The following ZFHX3 variants were observed in gnomAD, a reference collection of about 807,000 sequenced individuals.
The protein encoded by ZFHX3 is zinc finger homeobox 3.
In ZFHX3, 42 loss-of-function variants were observed where a neutral mutation model predicts 279.1. The ratio of observed to expected loss-of-function variants is 0.15; its 90% CI spans 0.12 to 0.19. The LOEUF (loss-of-function observed/expected upper bound fraction) is 0.19, where lower values mean the gene tolerates loss of function less well. Ranked by LOEUF, ZFHX3 falls within the 10% of genes least tolerant of loss-of-function variation. ZFHX3 has a pLI of 1.00. For synonymous variants in ZFHX3, 2,293 were observed against 1,957.8 expected (o/e 1.17, Z -4.52); for missense variants, 4,981 against 4,754.0 (o/e 1.05, Z -1.40).
chr16:73,030,707 A>G (rs4788691), intron 1 of ZFHX3, among the ~76,000 whole-genome samples: 27,089 of 152,158 alleles, frequency 0.18, 2,609 homozygotes, highest in Admixed American at 0.31. Context: ...AGGGTCCCCA[A>G]TGACCAACTT....
intron 2 of ZFHX3, among the ~76,000 whole-genome samples, chr16:73,620,800 A>G (rs113280973): frequency 0.019 from 2,935 of 152,368 alleles, 38 homozygotes; most frequent in Non-Finnish European, 0.027. Context: ...AAAATCAAGA[A>G]TAAACATTTC....
intron 3 of ZFHX3, among the ~76,000 whole-genome samples, chr16:73,451,820 G>A (rs1351293100): frequency 6.6e-6 from 1 of 152,146 alleles, no homozygotes; most frequent in Non-Finnish European, 1.5e-5. Context: ...ATACACGTGT[G>A]CATATTTTGA....
chr16:73,056,172 T>C (rs539167985), intron 1 of ZFHX3, among the ~76,000 whole-genome samples: 1 of 152,318 alleles, frequency 6.6e-6, no homozygotes, highest in African/African-American at 2.4e-5. Flanking sequence ...GTACACTTTT[T>C]ACGAAATCCT....
chr16:73,360,922 C>T (rs1429677899), intron 3 of ZFHX3, among the ~76,000 whole-genome samples: 3 of 151,956 alleles, frequency 2.0e-5, no homozygotes, highest in Non-Finnish European at 4.4e-5. Context: ...AATGGGGGGT[C>T]ATGAGCCACC....
chr16:73,802,189 C>CAT (rs1348624521), intron 1 of ZFHX3, among the ~76,000 whole-genome samples: 1 of 151,898 alleles, frequency 6.6e-6, no homozygotes, highest in Non-Finnish European at 1.5e-5. Flanking sequence ...GTTGATTCTT[C>CAT]ATAAAACCCC....
intron 4 of ZFHX3, among the ~76,000 whole-genome samples, chr16:72,830,711 T>C (rs1209411792): frequency 6.6e-6 from 1 of 152,224 alleles, no homozygotes; most frequent in African/African-American, 2.4e-5. Context: ...TAAGATACTC[T>C]AGATGCTGAG....
chr16:73,624,617 C>T (rs767356095), intron 2 of ZFHX3, among the ~76,000 whole-genome samples: 1 of 147,840 alleles, frequency 6.8e-6, no homozygotes, highest in African/African-American at 2.5e-5. Context: ...ATGAATTCAG[C>T]AGATAATAAA....
intron 2 of ZFHX3, chr16:73,543,898 G>GAGAGAGAGAGAGAC (rs1475814396): frequency 2.6e-5 from 4 of 151,322 alleles, no homozygotes; most frequent in Non-Finnish European, 5.9e-5. Flanking sequence ...GAGAGAGAGA[G>GAGAGAGAGAGAGAC]AGAGAGAGAG....
chr16:73,611,977 G>C (rs1412453341), intron 2 of ZFHX3, among the ~76,000 whole-genome samples: 1 of 152,170 alleles, frequency 6.6e-6, no homozygotes, highest in Non-Finnish European at 1.5e-5. Flanking sequence ...ATTACACACT[G>C]TAAAATAATT....
chr16:73,887,101 T>A (rs899614238), intron 1 of ZFHX3, among the ~76,000 whole-genome samples: 3 of 152,136 alleles, frequency 2.0e-5, no homozygotes, highest in African/African-American at 4.8e-5. Context: ...TTTCAAAAAA[T>A]TGGGATTGGG....
intron 4 of ZFHX3, among the ~76,000 whole-genome samples, chr16:72,848,982 A>AG (rs1391308559): frequency 6.6e-6 from 1 of 152,092 alleles, no homozygotes; most frequent in East Asian, 1.9e-4. Context: ...TCAAAAAACC[A>AG]GGGGGGAAGG....
At chr16:73,876,662 T>C (rs1166793312) in intron 1 of ZFHX3, among the ~76,000 whole-genome samples, 1 of 152,246 alleles carries the variant, frequency 6.6e-6, no homozygotes, top group African/African-American at 2.4e-5. Context: ...CAGTTGGATA[T>C]GTGGGGTAGG....
At chr16:73,007,554 C>T (rs1359815862) in intron 1 of ZFHX3, among the ~76,000 whole-genome samples, 2 of 152,122 alleles carry the variant, frequency 1.3e-5, no homozygotes, top group Admixed American at 1.3e-4. Context: ...TCACGCAATT[C>T]TCCTGCCTCA....
intron 2 of ZFHX3, among the ~76,000 whole-genome samples, chr16:73,532,463 G>T (rs2019822679): frequency 6.6e-6 from 1 of 152,098 alleles, no homozygotes; most frequent in Non-Finnish European, 1.5e-5. Flanking sequence ...CCAGCCTCAG[G>T]TATGTCTTTA....
intron 5 of ZFHX3, among the ~76,000 whole-genome samples, chr16:73,224,914 G>A (rs575210619): frequency 1.3e-5 from 2 of 152,190 alleles, no homozygotes; most frequent in African/African-American, 4.8e-5. Flanking sequence ...ACCTCTTAAA[G>A]CTTAAGCTGG....
chr16:73,705,224 A>G (rs2053291456), intron 1 of ZFHX3, among the ~76,000 whole-genome samples: 1 of 152,184 alleles, frequency 6.6e-6, no homozygotes, highest in African/African-American at 2.4e-5. Context: ...TTAGCAACCA[A>G]TATGCAAAAT....
At chr16:73,399,553 C>A (rs2017204212) in intron 3 of ZFHX3, among the ~76,000 whole-genome samples, 1 of 152,110 alleles carries the variant, frequency 6.6e-6, no homozygotes, top group Admixed American at 6.5e-5. Flanking sequence ...TGCGTTTTCA[C>A]AAAGGTGCAA....
intron 2 of ZFHX3, among the ~76,000 whole-genome samples, chr16:73,596,010 TTATTTTATTTTATTTTATTTTATTTTTTG>T: frequency 7.4e-6 from 1 of 134,240 alleles, no homozygotes; most frequent in African/African-American, 3.9e-5. Flanking sequence ...TTATTTTATT[TTATTTTATTTTATTTTATTTTATTTTTTG>T]AGACAGAGTC....
In ZFHX3 at chr16:73,253,618, A is replaced by AT. The variant is rs34931650; in HGVS notation, c.-1104+3428dup. ...AGGCGCCTGCCACCACGCCCGGCTA[A>AT]TTTTTTTTTTGTATTTTTAGTAGAG... On this transcript the variant is annotated intron_variant, in intron 5 of 17. Coordinates refer to the ZFHX3 transcript ENST00000641206. 2.2e-3 allele frequency among the ~76,000 whole-genome samples: 338 copies of AT among 150,600 alleles called. 1 individual carries two copies. The highest frequency in any genetic ancestry group is 7.5e-3 in the African/African-American group (309 of 41,094).
Sources: gnomAD v4.1 joint callset for allele counts (sites outside exome capture counted in the v4.1 genomes callset) on GRCh38, gnomAD v4.1.1 for gene constraint, MANE v1.5 for transcripts, NCBI Gene and HGNC (gene_info 2026-07-23, HGNC 2026-07-21) for gene names.